The following KAT6A variants were observed in gnomAD, a reference collection of about 807,000 sequenced individuals.
KAT6A encodes lysine acetyltransferase 6A, also known as histone acetyltransferase KAT6A.
A neutral mutation model predicts 198.4 loss-of-function variants in KAT6A; 9 were observed. The ratio of observed to expected loss-of-function variants is 0.05; its 90% CI spans 0.03 to 0.08. The LOEUF is 0.08. Among genes scored for constraint, KAT6A ranks in the 10% least tolerant of loss-of-function variants. The pLI is 1.00. For synonymous variants in KAT6A, 890 were observed against 883.0 expected (o/e 1.01, Z -0.14); for missense variants, 2,077 against 2,509.9 (o/e 0.83, Z 3.69).
intron 2 of KAT6A, among the ~76,000 whole-genome samples, chr8:42,009,043 C>G (rs1825882581): frequency 6.6e-6 from 1 of 152,176 alleles, no homozygotes; most frequent in Non-Finnish European, 1.5e-5. Context: ...GGCTTTCATA[C>G]CAAGTGTCTC....
Position 42,030,830 on chromosome 8 carries a change from A to G in KAT6A, c.600+17548T>C, listed in dbSNP as rs577925691. ...TGACCTCAAGTGATCTGCTTGCCTC[A>G]GTCTCACAAAGTGCTGGAATTACAG... On this transcript the variant is annotated intron_variant, in intron 2 of 16. Coordinates refer to ENST00000265713, the MANE Select transcript of KAT6A (RefSeq NM_006766.5). Among the ~76,000 whole-genome samples the G allele has an allele frequency of 8.5e-5, 13 of 152,106 alleles. No homozygotes were observed. In the South Asian group the frequency reaches 2.7e-3, roughly 32 times the overall value.
chr8:42,049,052 C>G lies in KAT6A; in HGVS notation c.-75G>C. ...TGAGTAAGTTTTACACCATGGAAAA[C>G]AAGATTCTCGGAGGCTGGGAACCAG... On this transcript the variant is annotated 5_prime_UTR_variant, in exon 2 of 17. Transcript: ENST00000265713. 1 of 1,467,318 alleles carries G rather than the reference C, an allele frequency of 6.8e-7. No individual in the cohort carries two copies. The highest frequency in any genetic ancestry group is 1.9e-4 in the Middle Eastern group (1 of 5,276). 90.9% of individuals were successfully genotyped at this position (1,467,318 alleles called of 1,614,324 possible).
Position 42,002,310 on chromosome 8 carries a change from A to G in KAT6A, c.601-14747T>C, listed in dbSNP as rs906432916. ...TGATGTACTGTCTCTTTTCCTGTAT[A>G]TTGTTTTCAGCTTTTTCTTTACATA... On this transcript the variant is annotated intron_variant, in intron 2 of 16. Coordinates refer to ENST00000265713, the MANE Select transcript of KAT6A (RefSeq NM_006766.5). 2.0e-5 allele frequency among the ~76,000 whole-genome samples: 3 copies of G among 152,320 alleles called. No homozygotes were observed. In the East Asian group the frequency reaches 5.8e-4, roughly 29 times the overall value.
chr8:41,945,331 C>T (rs570038866), intron 12 of KAT6A, among the ~76,000 whole-genome samples: 3 of 148,434 alleles, frequency 2.0e-5, no homozygotes, highest in East Asian at 2.0e-4. Flanking sequence ...AGTGCAGTGG[C>T]GTGATCTTGG....
chr8:41,932,651 T>C lies in KAT6A; in HGVS notation c.5569A>G (p.Ile1857Val). ...GGCAGTGGCGCAGACTTGGAGCGGA[T>C]GGAAATGTGCCCCTTCACTGGCATT... ...GQMPVKGHIS[I>V]RSKSAPLPSA... The change falls in exon 17 of 17, where the codon ATC (isoleucine) becomes GTC (valine). Residue 1857 changes from isoleucine (I) to valine (V), a missense_variant. Transcript: ENST00000265713. The C allele has an allele frequency of 1.9e-6, 3 of 1,614,182 alleles. No individual in the cohort carries two copies. The highest frequency in any genetic ancestry group is 2.5e-6 in the Non-Finnish European group (3 of 1,180,010).
At chr8:41,944,544 AAAAC>A (rs2150863922) in intron 12 of KAT6A, among the ~76,000 whole-genome samples, 1 of 152,324 alleles carries the variant, frequency 6.6e-6, no homozygotes, top group South Asian at 2.1e-4. Context: ...CAAGAACTGA[AAAAC>A]AAAGGCCTAA....
At chr8:42,014,970 A>T (rs1587827063) in intron 2 of KAT6A, among the ~76,000 whole-genome samples, 1 of 152,232 alleles carries the variant, frequency 6.6e-6, no homozygotes, top group East Asian at 1.9e-4. Flanking sequence ...TTCTCTAAGG[A>T]GCTGAGAAAT....
At chr8:41,978,565 G>C (rs1240930585) in intron 6 of KAT6A, 77 bp downstream of exon 6, 1 of 1,451,932 alleles carries the variant, frequency 6.9e-7, no homozygotes, top group Non-Finnish European at 9.3e-7. Flanking sequence ...TTTTTTCATA[G>C]AGAAAACAAG....
In KAT6A at chr8:41,974,777, A is replaced by C; in HGVS notation, c.1409T>G (p.Leu470Arg). ...WDGKQENEER[L>R]FGSQEIMTEK... The stretch of plus-strand genomic sequence containing the variant: ...AGTCATGATTTCCTGGCTCCCAAAA[A>C]GTCGCTCCTCATTTTCTTGTTTGCC... Residue 470 changes from leucine (L) to arginine (R), a missense_variant, in exon 8 of 17, where the codon CTT becomes CGT. Coordinates refer to ENST00000265713, the MANE Select transcript of KAT6A (RefSeq NM_006766.5). 1 of 1,610,554 alleles carries C rather than the reference A, an allele frequency of 6.2e-7. No individual in the cohort carries two copies. The highest frequency in any genetic ancestry group is 8.5e-7 in the Non-Finnish European group (1 of 1,178,284).
chr8:41,993,803 G>A (rs1293039076), intron 2 of KAT6A, among the ~76,000 whole-genome samples: 1 of 152,106 alleles, frequency 6.6e-6, no homozygotes, highest in African/African-American at 2.4e-5. Context: ...TTTACAATAT[G>A]CCAAACTATA....
chr8:42,009,311 T>C (rs1825897186), intron 2 of KAT6A, among the ~76,000 whole-genome samples: 1 of 152,068 alleles, frequency 6.6e-6, no homozygotes, highest in African/African-American at 2.4e-5. Context: ...TGCTATTAGT[T>C]TATATGAAAA....
intron 8 of KAT6A, among the ~76,000 whole-genome samples, chr8:41,967,758 C>T (rs144500468): frequency 4.0e-3 from 604 of 152,126 alleles, no homozygotes; most frequent in African/African-American, 0.013. Context: ...AATAAACATA[C>T]GTGTGCATGT....
intron 2 of KAT6A, among the ~76,000 whole-genome samples, chr8:42,032,109 T>G (rs1360381416): frequency 6.6e-6 from 1 of 152,160 alleles, no homozygotes; most frequent in Non-Finnish European, 1.5e-5. Context: ...TTCTGTATTT[T>G]TAGTAGAGAC....
chr8:42,017,384 A>G (rs976918578), intron 2 of KAT6A, among the ~76,000 whole-genome samples: 1 of 152,222 alleles, frequency 6.6e-6, no homozygotes. Context: ...ACAGACTATC[A>G]TAATACAGGG....
chr8:41,968,425 A>G (rs1166746888), intron 8 of KAT6A, among the ~76,000 whole-genome samples: 2 of 152,226 alleles, frequency 1.3e-5, no homozygotes, highest in East Asian at 1.9e-4. Context: ...CCACAGTGAG[A>G]TATCATCTCA....
rs1045501535 is a variant in KAT6A, at chr8:41,930,441, C to T, written c.*1764G>A. 1 of 220,640 alleles carries T rather than the reference C, an allele frequency of 4.5e-6. No individual in the cohort carries two copies. The highest frequency in any genetic ancestry group is 2.2e-5 in the African/African-American group (1 of 44,564). 13.7% of individuals were successfully genotyped at this position (220,640 alleles called of 1,614,324 possible). On this transcript the variant is annotated 3_prime_UTR_variant, in exon 17 of 17. Transcript: ENST00000265713. ...TGTGGAATTCTGCGTTTCTACCTAGCACGCTTGAGAAAGTCAATTAAAGTG... is the reference window on the plus strand; with the variant it reads ...TGTGGAATTCTGCGTTTCTACCTAGTACGCTTGAGAAAGTCAATTAAAGTG...
At position 42,048,786 on chromosome 8, in the gene KAT6A, T is replaced by G. The variant is rs1021956283; in HGVS notation, c.192A>C (p.Ser64=). ...SVKDGTILKV[S]NKGLNSYKDP... ...CTTTATAGGAATTGAGTCCTTTATT[T>G]GAGACTTTTAAAATTGTTCCATCTT... is the stretch of plus-strand genomic sequence containing the variant. The change falls in exon 2 of 17, where the codon TCA becomes TCC. Residue 64 remains serine (S), a synonymous_variant. Transcript: ENST00000265713. 12 of 1,614,080 alleles carry G rather than the reference T, an allele frequency of 7.4e-6. 1 individual carries two copies. In the East Asian group the frequency reaches 8.9e-5, roughly 12 times the overall value.
chr8:41,990,463 C>T (rs1299400017), intron 2 of KAT6A, among the ~76,000 whole-genome samples: 1 of 152,018 alleles, frequency 6.6e-6, no homozygotes, highest in African/African-American at 2.4e-5. Context: ...CAAATTTAAC[C>T]AACAAATGGC....
chr8:42,018,535 A>C (rs1236188050), intron 2 of KAT6A, among the ~76,000 whole-genome samples: 4 of 152,062 alleles, frequency 2.6e-5, no homozygotes, highest in Admixed American at 2.6e-4. Context: ...ATAAATAAAA[A>C]TTATTTAATT....
Sources: gnomAD v4.1 joint callset for allele counts (sites outside exome capture counted in the v4.1 genomes callset) on GRCh38, gnomAD v4.1.1 for gene constraint, MANE v1.5 for transcripts, NCBI Gene and HGNC (gene_info 2026-07-23, HGNC 2026-07-21) for gene names.